The following ATG7 variants were observed in gnomAD, a reference collection of about 807,000 sequenced individuals.
ATG7 encodes the protein ubiquitin-like modifier-activating enzyme ATG7.
Under a neutral mutation model 82.4 loss-of-function variants are expected in ATG7, and 70 were observed. That is an observed-to-expected ratio of 0.85 (90% CI 0.70 to 1.04). The LOEUF (loss-of-function observed/expected upper bound fraction) is 1.04. Among genes scored for constraint, ATG7 ranks in the 50% least tolerant of loss-of-function variants. ATG7 has a pLI of 0.00. For synonymous variants in ATG7, 287 were observed against 313.0 expected, an observed-to-expected ratio of 0.92 and a Z score of 0.88; for missense variants, 792 against 864.3, an observed-to-expected ratio of 0.92 and a Z score of 1.05.
At chr3:11,368,839 G>A (rs772135244) in intron 18 of ATG7, among the ~76,000 whole-genome samples, 6 of 150,848 alleles carry the variant, frequency 4.0e-5, no homozygotes, top group Non-Finnish European at 8.9e-5. Flanking sequence ...GGACCAAGCA[G>A]TTCACATCTT....
intron 19 of ATG7, among the ~76,000 whole-genome samples, chr3:11,397,418 C>A (rs2079401828): frequency 9.6e-6 from 1 of 104,494 alleles, no homozygotes; most frequent in East Asian, 2.7e-4. Context: ...AATAACATGT[C>A]TATAAAATAT....
chr3:11,438,588 A>G (rs1392374261), intron 20 of ATG7, among the ~76,000 whole-genome samples: 1 of 47,130 alleles, frequency 2.1e-5, no homozygotes. Flanking sequence ...ACAAAAATAA[A>G]GATTTTTTTT....
At position 11,306,996 on chromosome 3, in the gene ATG7, C is replaced by A; in HGVS notation, c.269C>A (p.Thr90Asn). 1.2e-6 allele frequency: 2 copies of A among 1,614,078 alleles called. No individual in the cohort carries two copies. The highest frequency in any genetic ancestry group is 1.7e-6 in the Non-Finnish European group (2 of 1,180,010). Residue 90 changes from threonine (T) to asparagine (N), a missense_variant, in exon 6 of 21, where the codon ACC becomes AAC. Transcript: ENST00000693202. ...CCAGCTATTGGAACACTGTATAACA[C>A]CAACACACTCGAGTCTTTCAAGACT... ...CCPAIGTLYN[T>N]NTLESFKTAD...
At chr3:11,382,195 T>C (rs538699669) in intron 19 of ATG7, among the ~76,000 whole-genome samples, 7 of 152,292 alleles carry the variant, frequency 4.6e-5, no homozygotes, top group African/African-American at 1.4e-4. Context: ...ACTGGGGAAG[T>C]AGAATAAGTT....
intron 11 of ATG7, among the ~76,000 whole-genome samples, chr3:11,333,748 CTT>C (rs770412107): frequency 5.1e-5 from 7 of 138,178 alleles, no homozygotes; most frequent in Admixed American, 7.4e-5. Flanking sequence ...GGATATATTT[CTT>C]TTTTTTTTTT....
chr3:11,455,149 T>TA (rs1463821325), intron 20 of ATG7, among the ~76,000 whole-genome samples: 2 of 152,228 alleles, frequency 1.3e-5, no homozygotes, highest in East Asian at 1.9e-4. Flanking sequence ...TTCTTTTACA[T>TA]ATGAGGAACT....
chr3:11,461,930 T>C (rs913807439), intron 20 of ATG7, among the ~76,000 whole-genome samples: 2 of 151,856 alleles, frequency 1.3e-5, no homozygotes, highest in African/African-American at 4.8e-5. Flanking sequence ...CTCAGGAGGC[T>C]GAGGCAGGAG....
chr3:11,294,561 C>G (rs1031434324), intron 3 of ATG7, among the ~76,000 whole-genome samples: 2 of 152,244 alleles, frequency 1.3e-5, no homozygotes, highest in Admixed American at 6.5e-5. Context: ...TATAAAAATT[C>G]TTTCAAACAA....
chr3:11,371,545 A>G (rs2076997795), intron 18 of ATG7, among the ~76,000 whole-genome samples: 1 of 150,908 alleles, frequency 6.6e-6, no homozygotes, highest in Non-Finnish European at 1.5e-5. Context: ...TTTGGTCTTA[A>G]ATCAGAAGAC....
the ATG7 span, chr3:11,565,083 C>T: frequency 1.5e-5 from 21 of 1,364,684 alleles, no homozygotes; most frequent in South Asian, 1.2e-4. The surrounding 1 kb of genome is among the most constrained non-coding windows in gnomAD (Gnocchi z 4.1). Flanking sequence ...AGTGACTGTG[C>T]GCCAGGCACT....
At chr3:11,397,079 A>G (rs910441655) in intron 19 of ATG7, among the ~76,000 whole-genome samples, 2 of 152,192 alleles carry the variant, frequency 1.3e-5, no homozygotes, top group Admixed American at 6.5e-5. Context: ...TGAAACCCAC[A>G]TGTATCAGTA....
chr3:11,293,690 A>G (rs1000532835), intron 3 of ATG7, among the ~76,000 whole-genome samples: 3 of 151,632 alleles, frequency 2.0e-5, no homozygotes, highest in African/African-American at 7.3e-5. Flanking sequence ...CTACTAAAAA[A>G]TACAAAACAT....
At chr3:11,484,878 AT>A (rs1336838504) in intron 20 of ATG7, among the ~76,000 whole-genome samples, 1 of 152,044 alleles carries the variant, frequency 6.6e-6, no homozygotes, top group Non-Finnish European at 1.5e-5. Flanking sequence ...TGAACTCATC[AT>A]TTTTTATGGC....
chr3:11,388,748 C>T (rs2078526454), intron 19 of ATG7, among the ~76,000 whole-genome samples: 1 of 151,632 alleles, frequency 6.6e-6, no homozygotes, highest in African/African-American at 2.4e-5. Context: ...TTTTTTTATT[C>T]ATATAGTACA....
intron 11 of ATG7, 34 bp downstream of exon 11, chr3:11,333,127 A>G: frequency 6.6e-7 from 1 of 1,513,344 alleles, no homozygotes; most frequent in South Asian, 1.3e-5. Context: ...GCATATAATT[A>G]TCATTTATCA....
chr3:11,420,753 C>CTTTTT (rs869277638), intron 19 of ATG7, among the ~76,000 whole-genome samples: 1 of 126,048 alleles, frequency 7.9e-6, no homozygotes, highest in East Asian at 2.4e-4. Context: ...ATACAAAATA[C>CTTTTT]TTTTTTTTTT....
At chr3:11,503,563 C>T (rs2153065625) in intron 20 of ATG7, among the ~76,000 whole-genome samples, 1 of 151,930 alleles carries the variant, frequency 6.6e-6, no homozygotes. Flanking sequence ...TCAAGACCAG[C>T]CTGACCAACA....
intron 19 of ATG7, among the ~76,000 whole-genome samples, chr3:11,385,368 A>C (rs895026854): frequency 6.6e-6 from 1 of 152,236 alleles, no homozygotes; most frequent in Admixed American, 6.5e-5. Flanking sequence ...TCCCAAAGCA[A>C]CTTGTCACCT....
chr3:11,378,926 C>T (rs368449197), intron 18 of ATG7, among the ~76,000 whole-genome samples: 5 of 151,748 alleles, frequency 3.3e-5, no homozygotes, highest in Admixed American at 6.6e-5. Flanking sequence ...GGTGGTGGAT[C>T]GGGTCTTCTG....
Sources: gnomAD v4.1 joint callset for allele counts (sites outside exome capture counted in the v4.1 genomes callset) on GRCh38, gnomAD v4.1.1 for gene constraint, Gnocchi (gnomAD v3.1) non-coding constraint, MANE v1.5 for transcripts, NCBI Gene and HGNC (gene_info 2026-07-23, HGNC 2026-07-21) for gene names.